NYNRIN: variants seen among roughly 807,000 people sequenced by gnomAD.
NYNRIN encodes the protein NYN domain and retroviral integrase containing.
NYNRIN carries 86 observed loss-of-function variants against 146.6 expected under a neutral mutation model. That is an observed-to-expected ratio of 0.59 (90% CI 0.49 to 0.70). NYNRIN has a LOEUF of 0.70. NYNRIN is among the 30% of genes least tolerant of loss of function. The pLI is 0.00. For synonymous variants in NYNRIN, 1,027 were observed against 1,001.3 expected, an observed-to-expected ratio of 1.03 and a Z score of -0.48; for missense variants, 2,191 against 2,377.7, an observed-to-expected ratio of 0.92 and a Z score of 1.63.
At chr14:24,399,190 C>A in intron 1 of NYNRIN, 40 bp from the exon 2 acceptor site, 1 of 1,551,000 alleles carries the variant, frequency 6.4e-7, no homozygotes, top group Non-Finnish European at 8.8e-7. Context: ...GCGCCTGCCG[C>A]CCCGAGACCC....
rs2042823581 is a variant in NYNRIN at position 24,399,177 on chromosome 14, GGGGCGCCTGCCGCCCCGAGACCC to G, written c.-17-49_-17-27del. 10 of 1,467,948 alleles carry G rather than the reference GGGGCGCCTGCCGCCCCGAGACCC, an allele frequency of 6.8e-6. No homozygotes were observed. The South Asian group carries it at 1.2e-4, about 18-fold the overall frequency. The allele number at this position is 1,467,948 out of a possible 1,614,324, so 90.9% of individuals were successfully genotyped here. A position where few individuals can be genotyped will look rare whatever the true frequency, so the allele number is the denominator to read the frequency against. On this transcript the variant is annotated intron_variant, in intron 1 of 8. Coordinates refer to ENST00000382554, the MANE Select transcript of NYNRIN (RefSeq NM_025081.3). ...GCTTAGGCGCCTGGGGCTGGGGGCT[GGGGCGCCTGCCGCCCCGAGACCC>G]GGGTGACACTATCGTCTCCTTCGTT...
intron 2 of NYNRIN, among the ~76,000 whole-genome samples, chr14:24,400,726 C>A (rs1035394359): frequency 6.6e-6 from 1 of 151,586 alleles, no homozygotes; most frequent in African/African-American, 2.4e-5. Flanking sequence ...GGTTCTTAAT[C>A]TTTTTGTTAC....
At chr14:24,413,502 G>C (rs1343285908) in intron 8 of NYNRIN, 85 bp downstream of exon 8, 1 of 814,832 alleles carries the variant, frequency 1.2e-6, no homozygotes, top group Non-Finnish European at 1.9e-6. Context: ...CATCTAGTGC[G>C]TAATAATGAT....
At chr14:24,413,234 G>C (rs4982909) in intron 7 of NYNRIN, 82 bp from the exon 8 acceptor site, 1,302,579 of 1,420,644 alleles carry the variant, frequency 0.92, 598,070 homozygotes, top group Admixed American at 0.97. Context: ...GGGTCTCAGC[G>C]CCATGGAGAA....
rs758861483 is a variant in NYNRIN at position 24,416,881 on chromosome 14, C to T, written c.5132C>T (p.Pro1711Leu). Residue 1711 changes from proline (P) to leucine (L), a missense_variant, in exon 9 of 9, where the codon CCC (proline) becomes CTC (leucine). By Grantham distance (98) the Pro-to-Leu change is moderately conservative (BLOSUM62 -3). Transcript: ENST00000382554. ...TCCCTGAGTCGGGACCTCCAGTTCC[C>T]CTGCCTGACGAGCTCAGGGGCCTAC... is the stretch of plus-strand genomic sequence containing the variant. ...VASLSRDLQF[P>L]CLTSSGAYWE... 42 of 1,607,044 alleles carry T rather than the reference C, an allele frequency of 2.6e-5. No homozygotes were observed. Among genetic ancestry groups the T allele is most frequent in the Middle Eastern group, 1.6e-4 (1 of 6,082 alleles).
Position 24,416,808 on chromosome 14 carries a change from C to A in NYNRIN, c.5059C>A (p.Arg1687=). The A allele has an allele frequency of 1.2e-6, 2 of 1,611,926 alleles. No individual in the cohort carries two copies. The highest frequency in any genetic ancestry group is 1.7e-5 in the Admixed American group (1 of 59,938). The stretch of plus-strand genomic sequence containing the variant: ...GGCAGCCCAGGGGCCCCAGTTTGCC[C>A]GGCACGTCCTTGTGAGCTGTGGGCT... The part of the protein sequence containing the change: ...LEAAQGPQFA[R]HVLVSCGLAL... The change falls in exon 9 of 9, where the codon CGG becomes AGG. Residue 1687 remains arginine, a synonymous_variant. Transcript: ENST00000382554.
At position 24,408,449 on chromosome 14, in the gene NYNRIN, G is replaced by C. The variant is rs200156454; in HGVS notation, c.779G>C (p.Arg260Thr). Residue 260 changes from arginine to threonine, a missense_variant, in exon 3 of 9, where the codon AGA becomes ACA. By Grantham distance (71) the Arg-to-Thr change is moderately conservative. Around this residue, in one of 3 missense-constraint regions of NYNRIN, gnomAD observed 895 missense variants for 941.2 expected, o/e 0.95. Coordinates refer to ENST00000382554, the MANE Select transcript of NYNRIN (RefSeq NM_025081.3). ...LQNRGPENSKRLSSLGATGSL... is the reference protein window; with the variant it reads ...LQNRGPENSKTLSSLGATGSL... ...AACAGGGGCCCAGAAAATTCAAAGA[G>C]ATTATCTAGCCTGGGAGCCACTGGG... 1.9e-6 allele frequency: 3 copies of C among 1,612,744 alleles called. No homozygotes were observed. Among genetic ancestry groups the C allele is most frequent in the East Asian group, 4.5e-5 (2 of 44,852 alleles).
chr14:24,399,120 C>T, intron 1 of NYNRIN, 34 bp downstream of exon 1: 2 of 866,440 alleles, frequency 2.3e-6, no homozygotes, highest in Non-Finnish European at 3.4e-6. Context: ...GGAGGCCGTG[C>T]GGGGGGCGCG....
intron 2 of NYNRIN, 72 bp from the exon 3 acceptor site, chr14:24,407,797 G>T: frequency 1.4e-6 from 2 of 1,423,618 alleles, no homozygotes; most frequent in Non-Finnish European, 9.5e-7. Flanking sequence ...CTGGCCTTTT[G>T]GGTGGCGAGG....
intron 2 of NYNRIN, among the ~76,000 whole-genome samples, chr14:24,405,061 T>G (rs1381410286): frequency 2.6e-5 from 4 of 151,010 alleles, no homozygotes; most frequent in Admixed American, 2.6e-4. Context: ...TGTGTGAATG[T>G]GTGTGAATGT....
Position 24,417,291 on chromosome 14 carries a change from G to T in NYNRIN, c.5542G>T (p.Gly1848Cys), listed in dbSNP as rs755914335. 3.1e-6 allele frequency: 5 copies of T among 1,613,932 alleles called. No homozygotes were observed. In the Admixed American group the frequency reaches 5.0e-5, roughly 16 times the overall value. Reference sequence around the variant, plus strand: ...GAATGGCAGCAGTGCCAAATGGGTGGGTCCCTTCTATATCGGGGACCGGCT... The same window carrying T: ...GAATGGCAGCAGTGCCAAATGGGTGTGTCCCTTCTATATCGGGGACCGGCT... ...PRNGSSAKWV[G>C]PFYIGDRLSL... The change falls in exon 9 of 9, where the codon GGT (glycine) becomes TGT (cysteine). Residue 1848 changes from glycine to cysteine, a missense_variant. This residue lies in a region of NYNRIN where 1,291 missense variants were observed against 1,417.0 expected (regional missense o/e 0.91). Transcript: ENST00000382554.
Position 24,418,970 on chromosome 14 carries a change from C to T in NYNRIN, c.*1524C>T, listed in dbSNP as rs973339680. ...AATGCTACACCCACATTCTCTCCAA[C>T]TCTTCATCTCCCTGATCTTCCAGAC... On this transcript the variant is annotated 3_prime_UTR_variant, in exon 9 of 9. Transcript: ENST00000382554. 2 of 152,266 alleles carry T rather than the reference C, an allele frequency of 1.3e-5. No individual in the cohort carries two copies. Among genetic ancestry groups the T allele is most frequent in the African/African-American group, 4.8e-5 (2 of 41,474 alleles). 9.4% of individuals were successfully genotyped at this position (152,266 alleles called of 1,614,324 possible).
intron 6 of NYNRIN, 40 bp from the exon 7 acceptor site, chr14:24,412,957 C>A (rs754372710): frequency 1.5e-6 from 2 of 1,324,824 alleles, no homozygotes; most frequent in Admixed American, 4.0e-5. Flanking sequence ...AGTGAGGGGG[C>A]TAGTTACTGG....
chr14:24,417,365 G>T lies in NYNRIN; in HGVS notation c.5616G>T (p.Leu1872=). Residue 1872 remains leucine (L), a synonymous_variant, in exon 9 of 9, where the codon CTG becomes CTT. Transcript: ENST00000382554. ...RIWGFPTPEK[L]GCIYPSSLMK... is the part of the protein sequence containing the mutation. ...GGGGCTTCCCAACCCCAGAGAAGCT[G>T]GGGTGCATCTATCCCAGCAGTCTGA... 6.3e-7 allele frequency: 1 copy of T among 1,594,072 alleles called. No homozygotes were observed.
chr14:24,400,700 T>C (rs111981382), intron 2 of NYNRIN, among the ~76,000 whole-genome samples: 1 of 151,346 alleles, frequency 6.6e-6, no homozygotes, highest in Non-Finnish European at 1.5e-5. Flanking sequence ...ACAAGAGGAG[T>C]GTTTTGGGTT....
At chr14:24,410,574 C>G (rs1368642397) in intron 4 of NYNRIN, among the ~76,000 whole-genome samples, 1 of 152,238 alleles carries the variant, frequency 6.6e-6, no homozygotes, top group Non-Finnish European at 1.5e-5. Context: ...AACTTTTAGC[C>G]CAAACTTCAA....
chr14:24,412,966 G>A, intron 6 of NYNRIN, 31 bp from the exon 7 acceptor site: 3 of 1,447,758 alleles, frequency 2.1e-6, no homozygotes, highest in Non-Finnish European at 2.9e-6. Context: ...GCTAGTTACT[G>A]GGTCATTAGT....
Position 24,409,945 on chromosome 14 carries a change from G to T in NYNRIN, c.2151G>T (p.Gln717His), listed in dbSNP as rs2042901056. 1 of 1,613,638 alleles carries T rather than the reference G, an allele frequency of 6.2e-7. No individual in the cohort carries two copies. The highest frequency in any genetic ancestry group is 1.1e-5 in the South Asian group (1 of 91,032). The change falls in exon 4 of 9, where the codon CAG (glutamine) becomes CAT (histidine). Residue 717 changes from glutamine (Q) to histidine (H), a missense_variant. Physicochemically the swap from Gln to His is conservative, Grantham distance 24. Transcript: ENST00000382554. ...CTAGTGTCTCCTTACTGAAGGGCCA[G>T]GGGCAGGCTGGAAGGCAGGGTCCCC... ...SRASVSLLKGQGQAGRQGPQS... is the reference protein window; with the variant it reads ...SRASVSLLKGHGQAGRQGPQS...
In NYNRIN at chr14:24,418,325, A is replaced by T. The variant is rs1052114560; in HGVS notation, c.*879A>T. 6.6e-6 allele frequency: 3 copies of T among 455,482 alleles called. No homozygotes were observed. Among genetic ancestry groups the T allele is most frequent in the Non-Finnish European group, 1.3e-5 (3 of 226,396 alleles). 28.2% of individuals were successfully genotyped at this position (455,482 alleles called of 1,614,324 possible). A position where few individuals can be genotyped will look rare whatever the true frequency, so the allele number is the denominator to read the frequency against. On this transcript the variant is annotated 3_prime_UTR_variant, in exon 9 of 9. Transcript: ENST00000382554. ...TTTAAGGGGGCAGGGCGTCTGCAAC[A>T]GGAGTGGCACACGGTGAAGTGCTGG...
Sources: gnomAD v4.1 joint callset for allele counts (sites outside exome capture counted in the v4.1 genomes callset) on GRCh38, gnomAD v4.1.1 for gene constraint, gnomAD v4.1.1 regional missense constraint, MANE v1.5 for transcripts, NCBI Gene and HGNC (gene_info 2026-07-23, HGNC 2026-07-21) for gene names.